Variants in KANK4 observed in about 807,000 individuals in gnomAD.
KANK4 encodes the protein KN motif and ankyrin repeat domain-containing protein 4.
A neutral mutation model predicts 80.8 loss-of-function variants in KANK4; 50 were observed. The ratio of observed to expected loss-of-function variants is 0.62; its 90% CI spans 0.49 to 0.78. KANK4 has a LOEUF of 0.78. Among genes scored for constraint, KANK4 ranks in the 30% least tolerant of loss-of-function variants. KANK4 has a pLI of 0.00. For synonymous variants in KANK4, 465 were observed against 506.9 expected (o/e 0.92, Z 1.11); for missense variants, 1,196 against 1,240.1 (o/e 0.96, Z 0.53).
Position 62,271,462 on chromosome 1 carries a change from C to CA in KANK4, c.2012+15dup, listed in dbSNP as rs1433901522. On this transcript the variant is annotated intron_variant, in intron 4 of 9. Transcript: ENST00000371153. ...GTAGCAAGAAAGGCAGTCTGAGCTTCACAAGCGATGCTTACCCACCGTTAA... is the reference window on the plus strand; with the variant it reads ...GTAGCAAGAAAGGCAGTCTGAGCTTCAACAAGCGATGCTTACCCACCGTTAA... 1 of 1,556,128 alleles carries CA rather than the reference C, an allele frequency of 6.4e-7. No homozygotes were observed. Among genetic ancestry groups the CA allele is most frequent in the South Asian group, 1.1e-5 (1 of 89,852 alleles).
chr1:62,316,411 T>C (rs1644540747), intron 1 of KANK4, among the ~76,000 whole-genome samples: 1 of 152,108 alleles, frequency 6.6e-6, no homozygotes, highest in Non-Finnish European at 1.5e-5. Flanking sequence ...CTTCATAAAG[T>C]ACCAGGAACG....
Position 62,281,083 on chromosome 1 carries a change from G to A in KANK4, c.16+466C>T, listed in dbSNP as rs565494522. Reference sequence around the variant, plus strand: ...CATTACTGATACCCCAGATATGTGAGTGTGGCCATTCTAAGCCATCCAGCT... The same window carrying A: ...CATTACTGATACCCCAGATATGTGAATGTGGCCATTCTAAGCCATCCAGCT... On this transcript the variant is annotated intron_variant, in intron 2 of 9. Coordinates refer to ENST00000371153, the MANE Select transcript of KANK4 (RefSeq NM_181712.5). Among the ~76,000 whole-genome samples, 210 of 152,306 alleles carry A rather than the reference G, an allele frequency of 1.4e-3. 1 individual carries two copies. Among genetic ancestry groups the A allele is most frequent in the African/African-American group, 4.8e-3 (200 of 41,564 alleles).
At chr1:62,272,793 C>CT (rs57507456) in intron 3 of KANK4, 1,689 of 142,562 alleles carry the variant, frequency 0.012, 50 homozygotes, top group African/African-American at 0.039. Context: ...ATCTTTTTTT[C>CT]TTTTTTTTTT....
Position 62,274,447 on chromosome 1 carries a change from T to C in KANK4, c.657A>G (p.Arg219=). The C allele has an allele frequency of 6.2e-7, 1 of 1,614,198 alleles. No individual in the cohort carries two copies. The highest frequency in any genetic ancestry group is 8.5e-7 in the Non-Finnish European group (1 of 1,180,028). ...CCAGCTCTGGAATCCGAGTTGATGC[T>C]CGTGGGCTGGAGCTGTGGAAACCTG... ...GLAGFHSSSP[R]ASTRIPELVQ... The change falls in exon 3 of 10, where the codon CGA becomes CGG. Residue 219 remains arginine (R), a synonymous_variant. Coordinates refer to ENST00000371153, the MANE Select transcript of KANK4 (RefSeq NM_181712.5).
intron 1 of KANK4, among the ~76,000 whole-genome samples, chr1:62,318,375 C>T (rs1644559623): frequency 1.3e-5 from 2 of 152,236 alleles, no homozygotes; most frequent in Non-Finnish European, 2.9e-5. Context: ...TTCCAACTCC[C>T]ATTTCTGGCC....
In KANK4 at chr1:62,319,128, G is replaced by A. The variant is rs533401366; in HGVS notation, c.-93C>T. The A allele has an allele frequency of 2.0e-5, 3 of 152,438 alleles. No homozygotes were observed. The highest frequency in any genetic ancestry group is 1.3e-4 in the Admixed American group (2 of 15,312). The allele number at this position is 152,438 out of a possible 1,614,324, so 9.4% of individuals were successfully genotyped here. On this transcript the variant is annotated 5_prime_UTR_variant, in exon 1 of 10. Transcript: ENST00000371153. ...TACCTTGGCGAGCTGCGGAAGTCCT[G>A]CGCGAGGCGGCCCGCGGTGCACGGG...
intron 9 of KANK4, among the ~76,000 whole-genome samples, chr1:62,247,091 G>C (rs1671483894): frequency 6.7e-6 from 1 of 149,230 alleles, no homozygotes; most frequent in African/African-American, 2.5e-5. Context: ...GGGTCTCACT[G>C]TGTTGCCCAG....
At chr1:62,294,160 C>T (rs1644338655) in intron 1 of KANK4, among the ~76,000 whole-genome samples, 1 of 152,190 alleles carries the variant, frequency 6.6e-6, no homozygotes, top group Non-Finnish European at 1.5e-5. Context: ...GTTTTCTCTT[C>T]TCCTTTAATC....
intron 5 of KANK4, among the ~76,000 whole-genome samples, chr1:62,267,874 A>G (rs1672062634): frequency 6.6e-6 from 1 of 151,762 alleles, no homozygotes; most frequent in South Asian, 2.1e-4. Context: ...GCTTATGGGT[A>G]ACAATGAGAA....
intron 9 of KANK4, among the ~76,000 whole-genome samples, chr1:62,247,045 G>A (rs1671482351): frequency 6.8e-6 from 1 of 146,504 alleles, no homozygotes; most frequent in Non-Finnish European, 1.5e-5. Context: ...ACAGGTGTGA[G>A]CCATTGCACC....
intron 1 of KANK4, among the ~76,000 whole-genome samples, chr1:62,311,677 G>A (rs969466663): frequency 1.3e-5 from 2 of 152,178 alleles, no homozygotes; most frequent in Non-Finnish European, 2.9e-5. Context: ...GCGCTAGGTG[G>A]TTGTTCCAGT....
chr1:62,300,951 TCTC>T (rs1557506517), intron 1 of KANK4, among the ~76,000 whole-genome samples: 1 of 152,054 alleles, frequency 6.6e-6, no homozygotes, highest in Non-Finnish European at 1.5e-5. Flanking sequence ...AAGCTTTTCT[TCTC>T]CTGTACTGAA....
rs151174944 is a variant in KANK4, at chr1:62,317,214, T to C, written c.-71+1892A>G. Among the ~76,000 whole-genome samples the C allele has an allele frequency of 2.6e-3, 393 of 152,276 alleles. 3 individuals carry two copies. The highest frequency in any genetic ancestry group is 8.9e-3 in the African/African-American group (371 of 41,548). ...TATGCCACCCTAAGGAATTTTACACTGTCAGCAAGTTCTTTCTAGTTTTAA... is the reference window on the plus strand; with the variant it reads ...TATGCCACCCTAAGGAATTTTACACCGTCAGCAAGTTCTTTCTAGTTTTAA... On this transcript the variant is annotated intron_variant, in intron 1 of 9. Coordinates refer to ENST00000371153, the MANE Select transcript of KANK4 (RefSeq NM_181712.5).
Position 62,263,273 on chromosome 1 carries a change from G to A in KANK4, c.2358C>T (p.Arg786=), listed in dbSNP as rs766839940. The part of the protein sequence containing the change: ...SLNTISQEWF[R]VSSRKSSSPA... ...GGCTAGACGACTTCCGGCTGGAGACGCGGAACCACTCTTGACTGATGGTGT... is the reference window on the plus strand; with the variant it reads ...GGCTAGACGACTTCCGGCTGGAGACACGGAACCACTCTTGACTGATGGTGT... The change falls in exon 7 of 10, where the codon CGC becomes CGT. Residue 786 remains arginine, a synonymous_variant. Transcript: ENST00000371153. 33 of 1,613,216 alleles carry A rather than the reference G, an allele frequency of 2.0e-5. No homozygotes were observed. Among genetic ancestry groups the A allele is most frequent in the East Asian group, 8.9e-5 (4 of 44,862 alleles).
intron 9 of KANK4, among the ~76,000 whole-genome samples, chr1:62,243,586 G>A (rs1671397073): frequency 6.6e-6 from 1 of 152,054 alleles, no homozygotes; most frequent in African/African-American, 2.4e-5. Context: ...TGATCCACCC[G>A]CCTCGGCCTC....
intron 1 of KANK4, among the ~76,000 whole-genome samples, chr1:62,298,519 G>A (rs1644385833): frequency 6.6e-6 from 1 of 152,208 alleles, no homozygotes; most frequent in Non-Finnish European, 1.5e-5. Context: ...AAGTAGCAAA[G>A]TGTGTGGTCA....
intron 1 of KANK4, among the ~76,000 whole-genome samples, chr1:62,297,753 C>A (rs1402126989): frequency 1.3e-5 from 2 of 152,192 alleles, no homozygotes; most frequent in African/African-American, 4.8e-5. Flanking sequence ...TAATCCACTG[C>A]AAATTATTTA....
At chr1:62,283,409 C>T (rs1172277573) in intron 1 of KANK4, among the ~76,000 whole-genome samples, 3 of 152,152 alleles carry the variant, frequency 2.0e-5, no homozygotes, top group Non-Finnish European at 2.9e-5. Context: ...AGGGCTGATC[C>T]ATGTCACATA....
At chr1:62,288,708 A>G (rs1364187823) in intron 1 of KANK4, among the ~76,000 whole-genome samples, 2 of 152,206 alleles carry the variant, frequency 1.3e-5, no homozygotes, top group Non-Finnish European at 2.9e-5. Flanking sequence ...AGGCTGCATT[A>G]ACCAATGAAA....
Sources: allele counts gnomAD v4.1 joint callset (sites outside exome capture counted in the v4.1 genomes callset), GRCh38; gene constraint gnomAD v4.1.1; transcripts MANE v1.5; gene names NCBI Gene and HGNC (gene_info 2026-07-23, HGNC 2026-07-21).